ABCC1: variants seen among roughly 807,000 people sequenced by gnomAD.
The protein encoded by ABCC1 is multidrug resistance-associated protein 1.
A neutral mutation model predicts 172.9 loss-of-function variants in ABCC1; 83 were observed. The ratio of observed to expected loss-of-function variants is 0.48; its 90% CI spans 0.40 to 0.58. The LOEUF (loss-of-function observed/expected upper bound fraction) is 0.58, where lower values mean the gene tolerates loss of function less well. Among genes scored for constraint, ABCC1 ranks in the 20% least tolerant of loss-of-function variants. The probability of loss-of-function intolerance (pLI) is 0.00; values close to 1 mark genes in which losing one functional copy is unlikely to be tolerated. For synonymous variants in ABCC1, 937 were observed against 825.2 expected, an observed-to-expected ratio of 1.14 and a Z score of -2.32; for missense variants, 1,817 against 2,002.7, an observed-to-expected ratio of 0.91 and a Z score of 1.77.
At chr16:15,991,448 C>T (rs1427255056) in intron 1 of ABCC1, among the ~76,000 whole-genome samples, 1 of 152,048 alleles carries the variant, frequency 6.6e-6, no homozygotes, top group East Asian at 1.9e-4. Context: ...GAAGAGTAGC[C>T]CCAGCGAGCT....
At chr16:16,092,975 A>G (rs1221114350) in intron 19 of ABCC1, among the ~76,000 whole-genome samples, 1 of 152,222 alleles carries the variant, frequency 6.6e-6, no homozygotes, top group African/African-American at 2.4e-5. Flanking sequence ...TGGGTGACAG[A>G]GCAAGACCAT....
chr16:15,964,702 G>A, intron 1 of ABCC1, among the ~76,000 whole-genome samples: 1 of 149,846 alleles, frequency 6.7e-6, no homozygotes, highest in East Asian at 2.0e-4. Context: ...ATTTTTTGTA[G>A]AGACAGGATC....
At chr16:16,082,470 A>G (rs1161646514) in intron 16 of ABCC1, among the ~76,000 whole-genome samples, 1 of 152,228 alleles carries the variant, frequency 6.6e-6, no homozygotes, top group Non-Finnish European at 1.5e-5. Flanking sequence ...TTCATTAGCA[A>G]AATACACAAA....
intron 21 of ABCC1, among the ~76,000 whole-genome samples, chr16:16,110,932 A>G (rs2052359065): frequency 6.6e-6 from 1 of 151,684 alleles, no homozygotes; most frequent in African/African-American, 2.4e-5. Context: ...ACGGAGTCTC[A>G]CTCTGTCGCC....
chr16:16,044,128 C>T (rs538242957), intron 7 of ABCC1, among the ~76,000 whole-genome samples: 73 of 152,326 alleles, frequency 4.8e-4, no homozygotes, highest in Admixed American at 2.3e-3. Context: ...TTATTCAACT[C>T]GTTTAATCTT....
chr16:16,090,664 G>C, intron 19 of ABCC1, 76 bp downstream of exon 19: 1 of 1,428,858 alleles, frequency 7.0e-7, no homozygotes, highest in Admixed American at 2.8e-5. Flanking sequence ...CTTTGAGGTT[G>C]CCACCAGCCA....
rs754876461 is a variant in ABCC1, at chr16:16,045,963, G to A, written c.1168G>A (p.Val390Ile). The change falls in exon 9 of 31, where the codon GTC becomes ATC. Residue 390 changes from valine (V) to isoleucine (I), a missense_variant. This residue lies in a region of ABCC1 where 1,412 missense variants were observed against 1,600.3 expected (regional missense o/e 0.88). Coordinates refer to ENST00000399410, the MANE Select transcript of ABCC1 (RefSeq NM_004996.4). ...GCACCAGTACTTCCACATCTGCTTC[G>A]TCAGTGGCATGAGGATCAAGACCGC... ...VLHQYFHICFVSGMRIKTAVI... is the reference protein window; with the variant it reads ...VLHQYFHICFISGMRIKTAVI... 7.4e-6 allele frequency: 12 copies of A among 1,614,154 alleles called. No homozygotes were observed. The highest frequency in any genetic ancestry group is 1.0e-5 in the Non-Finnish European group (12 of 1,180,032).
At chr16:15,998,079 C>T (rs1016268342) in intron 1 of ABCC1, among the ~76,000 whole-genome samples, 6 of 151,870 alleles carry the variant, frequency 4.0e-5, no homozygotes, top group African/African-American at 1.5e-4. Flanking sequence ...TCCTCAGCCT[C>T]CCAAAGTGCT....
Position 16,141,497 on chromosome 16 carries a change from C to G in ABCC1, c.*216C>G. On this transcript the variant is annotated 3_prime_UTR_variant, in exon 31 of 31. Transcript: ENST00000399410. Reference sequence around the variant, plus strand: ...ACCCAGGAGAGACAGAGATGCGAACCACCCAAAACACGCACACCCTGCCCC... The same window carrying G: ...ACCCAGGAGAGACAGAGATGCGAACGACCCAAAACACGCACACCCTGCCCC... The G allele has an allele frequency of 1.8e-6, 1 of 564,652 alleles. No individual in the cohort carries two copies. The highest frequency in any genetic ancestry group is 2.2e-5 in the South Asian group (1 of 45,610). The allele number at this position is 564,652 out of a possible 1,614,324, so 35.0% of individuals were successfully genotyped here. A position where few individuals can be genotyped will look rare whatever the true frequency, so the allele number is the denominator to read the frequency against.
rs1235458181 is a variant in ABCC1 at position 16,085,866 on chromosome 16, T to A, written c.2293-958T>A. 9.9e-5 allele frequency among the ~76,000 whole-genome samples: 15 copies of A among 152,234 alleles called. No homozygotes were observed. In the East Asian group the frequency reaches 2.7e-3, roughly 27 times the overall value. ...AGGCATCTCAGGAGGGACTGGGCAG[T>A]AACCTGTGATTTCCAGCCAAATAGG... On this transcript the variant is annotated intron_variant, in intron 17 of 30. Coordinates refer to ENST00000399410, the MANE Select transcript of ABCC1 (RefSeq NM_004996.4).
At chr16:16,056,930 A>G (rs1287054802) in intron 12 of ABCC1, among the ~76,000 whole-genome samples, 1 of 152,182 alleles carries the variant, frequency 6.6e-6, no homozygotes, top group Admixed American at 6.5e-5. Flanking sequence ...TTGGTGCCAT[A>G]GTTGATCTAC....
intron 27 of ABCC1, among the ~76,000 whole-genome samples, 162 bp from the exon 28 acceptor site, chr16:16,134,188 C>T (rs927575252): frequency 1.3e-5 from 2 of 152,096 alleles, no homozygotes; most frequent in African/African-American, 4.8e-5. Context: ...GCCGAAACAC[C>T]CTTAAAGGAG....
intron 1 of ABCC1, among the ~76,000 whole-genome samples, chr16:15,956,233 C>T (rs749397984): frequency 2.0e-5 from 3 of 151,892 alleles, no homozygotes; most frequent in Non-Finnish European, 4.4e-5. Context: ...GGTGTGGTGG[C>T]GGGTGCCTGT....
In ABCC1 at chr16:16,056,135, A is replaced by G. The variant is rs2049642730; in HGVS notation, c.1517A>G (p.Asn506Ser). The G allele has an allele frequency of 6.2e-7, 1 of 1,614,094 alleles. No individual in the cohort carries two copies. The highest frequency in any genetic ancestry group is 8.5e-7 in the Non-Finnish European group (1 of 1,180,016). The change falls in exon 12 of 31, where the codon AAC (asparagine) becomes AGC (serine). Residue 506 changes from asparagine (N) to serine (S), a missense_variant. This residue lies in a region of ABCC1 where 1,412 missense variants were observed against 1,600.3 expected (regional missense o/e 0.88). Coordinates refer to ENST00000399410, the MANE Select transcript of ABCC1 (RefSeq NM_004996.4). ...AAAGACAATCGGATCAAGCTGATGA[A>G]CGAAATTCTCAATGGGATCAAAGTG... ...KSKDNRIKLM[N>S]EILNGIKVLK...
intron 6 of ABCC1, 123 bp from the exon 7 acceptor site, chr16:16,036,349 C>A: frequency 1.2e-6 from 1 of 854,380 alleles, no homozygotes; most frequent in Non-Finnish European, 1.7e-6. Flanking sequence ...CCTTCATTTG[C>A]AGCGGGCAGC....
intron 19 of ABCC1, among the ~76,000 whole-genome samples, chr16:16,097,122 TTTTG>T (rs1160612317): frequency 6.6e-6 from 1 of 152,080 alleles, no homozygotes; most frequent in Admixed American, 6.6e-5. Flanking sequence ...TTTTGTTTTG[TTTTG>T]TTTGTTTTGG....
chr16:16,130,332 T>G (rs1295285377), intron 26 of ABCC1, among the ~76,000 whole-genome samples: 1 of 151,178 alleles, frequency 6.6e-6, no homozygotes, highest in Non-Finnish European at 1.5e-5. Flanking sequence ...TAAATATTTA[T>G]TTAAATTTTT....
At chr16:16,017,481 C>T (rs1182618873) in intron 5 of ABCC1, among the ~76,000 whole-genome samples, 2 of 152,032 alleles carry the variant, frequency 1.3e-5, no homozygotes. Flanking sequence ...TAGATGTGTG[C>T]CATGGTGATT....
At chr16:16,047,596 G>C (rs1046307341) in intron 9 of ABCC1, among the ~76,000 whole-genome samples, 3 of 152,166 alleles carry the variant, frequency 2.0e-5, no homozygotes, top group African/African-American at 7.2e-5. Flanking sequence ...AGGGCATGTA[G>C]TGGGTCGAGG....
Sources: allele counts gnomAD v4.1 joint callset (sites outside exome capture counted in the v4.1 genomes callset), GRCh38; gene constraint gnomAD v4.1.1; regional missense constraint gnomAD v4.1.1; transcripts MANE v1.5; gene names NCBI Gene and HGNC (gene_info 2026-07-23, HGNC 2026-07-21).